The following LAMA2 variants were observed in gnomAD, a reference collection of about 807,000 sequenced individuals.
The protein encoded by LAMA2 is laminin subunit alpha-2.
A neutral mutation model predicts 364.8 loss-of-function variants in LAMA2; 269 were observed. The observed-to-expected ratio is 0.74, with a 90% confidence interval of 0.67 to 0.82. LAMA2 has a LOEUF of 0.82. LAMA2 is among the 40% of genes least tolerant of loss of function. The pLI, the probability that LAMA2 is intolerant of heterozygous loss-of-function variation, is 0.00. For missense variants in LAMA2, 3,807 were observed against 3,873.2 expected (o/e 0.98, Z 0.45); for synonymous variants, 1,379 against 1,370.6 (o/e 1.01, Z -0.14).
intron 51 of LAMA2, among the ~76,000 whole-genome samples, chr6:129,472,766 C>G (rs1428390086): frequency 3.3e-5 from 5 of 151,954 alleles, no homozygotes; most frequent in East Asian, 1.9e-4. Context: ...GCAGATGAGT[C>G]TAAATCCCAG....
chr6:129,444,987 T>A (rs1215752780), intron 44 of LAMA2, among the ~76,000 whole-genome samples: 5 of 152,240 alleles, frequency 3.3e-5, no homozygotes. Flanking sequence ...GTTGAAACTT[T>A]GAAATTGCCA....
At chr6:129,401,382 A>T in intron 38 of LAMA2, 42 bp downstream of exon 38, 1 of 1,210,032 alleles carries the variant, frequency 8.3e-7, no homozygotes. Context: ...GATAATGAAT[A>T]AATGGGAGCC....
chr6:129,053,830 T>G (rs972265429), intron 2 of LAMA2, among the ~76,000 whole-genome samples: 2 of 152,120 alleles, frequency 1.3e-5, no homozygotes, highest in African/African-American at 2.4e-5. Context: ...TCAAGTATCC[T>G]TGATGTGAAA....
At position 129,312,819 on chromosome 6, in the gene LAMA2, A is replaced by G; in HGVS notation, c.3175-42A>G. ...GAATTAAAATTTTAAGATATTTCCC[A>G]TAAAGTTGTGTTAATGGTTGCTGTT... is the stretch of plus-strand genomic sequence containing the variant. On this transcript the variant is annotated intron_variant, in intron 22 of 64. Coordinates refer to ENST00000421865, the MANE Select transcript of LAMA2 (RefSeq NM_000426.4). The G allele has an allele frequency of 2.2e-6, 3 of 1,343,528 alleles. No individual in the cohort carries two copies. The South Asian group carries it at 3.5e-5, about 16-fold the overall frequency. The allele number at this position is 1,343,528 out of a possible 1,614,324, so 83.2% of individuals were successfully genotyped here. A position where few individuals can be genotyped will look rare whatever the true frequency, so the allele number is the denominator to read the frequency against.
chr6:129,040,398 A>T (rs527384943), intron 1 of LAMA2, among the ~76,000 whole-genome samples: 1 of 152,232 alleles, frequency 6.6e-6, no homozygotes, highest in African/African-American at 2.4e-5. Context: ...AGGTGGGAGG[A>T]TCACTTGAGG....
intron 34 of LAMA2, among the ~76,000 whole-genome samples, chr6:129,372,273 G>T (rs964893089): frequency 7.2e-5 from 11 of 152,030 alleles, no homozygotes; most frequent in African/African-American, 2.2e-4. Context: ...AAGTTTTACT[G>T]CCCGAAAACT....
chr6:129,165,598 C>T lies in LAMA2; in HGVS notation c.1229C>T (p.Pro410Leu), dbSNP rs781382284. The T allele has an allele frequency of 1.9e-6, 3 of 1,612,018 alleles. No individual in the cohort carries two copies. The highest frequency in any genetic ancestry group is 2.5e-6 in the Non-Finnish European group (3 of 1,178,448). ...PKGVSPNYPRPCQPCHCDPIG... is the reference protein window; with the variant it reads ...PKGVSPNYPRLCQPCHCDPIG... ...TAGGTATCTCCAAATTATCCAAGGC[C>T]ATGCCAGCCATGTCATTGCGATCCA... The change falls in exon 9 of 65, where the codon CCA becomes CTA. Residue 410 changes from proline (P) to leucine (L), a missense_variant. Pro to Leu is a moderately conservative substitution (Grantham distance 98). This residue lies in a region of LAMA2 where 80 missense variants were observed against 124.0 expected (regional missense o/e 0.65). Transcript: ENST00000421865.
chr6:129,175,004 T>C (rs181839681), intron 9 of LAMA2, among the ~76,000 whole-genome samples: 19 of 152,342 alleles, frequency 1.2e-4, no homozygotes, highest in African/African-American at 4.1e-4. Flanking sequence ...AGCCTCAATT[T>C]CTGGAAATTT....
intron 56 of LAMA2, among the ~76,000 whole-genome samples, chr6:129,488,700 A>G (rs1225591307): frequency 3.9e-5 from 6 of 152,248 alleles, no homozygotes; most frequent in Non-Finnish European, 8.8e-5. Flanking sequence ...CTGTGCCAAA[A>G]CAGTAATACA....
At chr6:129,246,761 C>T (rs916474431) in intron 12 of LAMA2, among the ~76,000 whole-genome samples, 8 of 152,048 alleles carry the variant, frequency 5.3e-5, no homozygotes, top group Non-Finnish European at 1.0e-4. Context: ...TAAGAGAGTG[C>T]AGAAGCGAGG....
chr6:129,202,649 T>G (rs1782379114), intron 12 of LAMA2, among the ~76,000 whole-genome samples: 1 of 152,102 alleles, frequency 6.6e-6, no homozygotes, highest in African/African-American at 2.4e-5. Context: ...ATCAGTACAC[T>G]TTGCAAGCCA....
intron 12 of LAMA2, among the ~76,000 whole-genome samples, chr6:129,238,574 TGTGAGAGAGAGA>T (rs769564369): frequency 1.4e-5 from 2 of 141,198 alleles, no homozygotes; most frequent in East Asian, 2.3e-4. Flanking sequence ...TGTGTGTGTG[TGTGAGAGAGAGA>T]GAGAGAGAGA....
intron 30 of LAMA2, among the ~76,000 whole-genome samples, chr6:129,343,362 A>G (rs1348824670): frequency 1.3e-5 from 2 of 152,112 alleles, no homozygotes; most frequent in Admixed American, 1.3e-4. Context: ...CTTTGTGTGC[A>G]TTCTGAAAAC....
intron 24 of LAMA2, 82 bp downstream of exon 24, chr6:129,314,880 A>T: frequency 7.0e-7 from 1 of 1,428,892 alleles, no homozygotes; most frequent in Non-Finnish European, 9.9e-7. Flanking sequence ...GAGGGGTAGT[A>T]GAAAATGGCA....
intron 1 of LAMA2, among the ~76,000 whole-genome samples, chr6:128,911,534 G>C (rs779643898): frequency 6.6e-6 from 1 of 152,158 alleles, no homozygotes; most frequent in Non-Finnish European, 1.5e-5. Context: ...TGCGCCCACT[G>C]TCTGGCATTC....
chr6:129,402,284 G>A (rs1395008621), intron 38 of LAMA2, 40 bp from the exon 39 acceptor site: 1 of 1,528,200 alleles, frequency 6.5e-7, no homozygotes, highest in South Asian at 1.1e-5. Context: ...GAGGAGGCTT[G>A]AATTCACTTG....
In LAMA2 at chr6:129,514,513, G is replaced by A. The variant is rs766559162; in HGVS notation, c.9129G>A (p.Gly3043=). The A allele has an allele frequency of 1.2e-6, 2 of 1,614,020 alleles. No individual in the cohort carries two copies. Among genetic ancestry groups the A allele is most frequent in the East Asian group, 2.2e-5 (1 of 44,882 alleles). The change falls in exon 64 of 65, where the codon GGG becomes GGA. Residue 3043 remains glycine (G), a synonymous_variant. Coordinates refer to ENST00000421865, the MANE Select transcript of LAMA2 (RefSeq NM_000426.4). ...ACCGCATTGAGCTCACAGTCGATGG[G>A]AACCAGGTGGAAGCCCAAAGCCCAA... The part of the protein sequence containing the change: ...IKHRIELTVD[G]NQVEAQSPNP...
intron 3 of LAMA2, 97 bp from the exon 4 acceptor site, chr6:129,098,076 G>A (rs1445718507): frequency 2.4e-6 from 3 of 1,271,626 alleles, no homozygotes; most frequent in Non-Finnish European, 3.4e-6. Flanking sequence ...AATAAAATCT[G>A]AAATAAAATC....
chr6:129,285,619 C>T (rs1789048006), intron 18 of LAMA2, among the ~76,000 whole-genome samples: 1 of 151,948 alleles, frequency 6.6e-6, no homozygotes, highest in Non-Finnish European at 1.5e-5. Context: ...ATCCTTATTC[C>T]AGTGGCACAA....
Sources: gnomAD v4.1 joint callset for allele counts (sites outside exome capture counted in the v4.1 genomes callset) on GRCh38, gnomAD v4.1.1 for gene constraint, gnomAD v4.1.1 regional missense constraint, MANE v1.5 for transcripts, NCBI Gene and HGNC (gene_info 2026-07-23, HGNC 2026-07-21) for gene names.